ZNF292: variants seen among roughly 807,000 people sequenced by gnomAD.
ZNF292 encodes 16 zinc-finger domain protein.
Under a neutral mutation model 217.9 loss-of-function variants are expected in ZNF292, and 26 were observed. The ratio of observed to expected loss-of-function variants is 0.12; its 90% CI spans 0.09 to 0.17. The LOEUF is 0.17. ZNF292 is among the 10% of genes least tolerant of loss of function. The pLI is 1.00. For synonymous variants in ZNF292, 1,257 were observed against 1,124.1 expected (o/e 1.12, Z -2.37); for missense variants, 2,904 against 3,175.2 (o/e 0.91, Z 2.05).
In ZNF292 at chr6:87,197,569, T is replaced by C. The variant is rs201422160; in HGVS notation, c.169-18334T>C. On this transcript the variant is annotated intron_variant, in intron 1 of 7. Transcript: ENST00000369577. ...GGCCAACAGGGTGAAACTCCGTCTC[T>C]ACTAAAAATAAAAAAAAATTAGCTG... is the stretch of plus-strand genomic sequence containing the variant. Among the ~76,000 whole-genome samples, 16 of 150,870 alleles carry C rather than the reference T, an allele frequency of 1.1e-4. No homozygotes were observed. In the East Asian group the frequency reaches 1.4e-3, roughly 13 times the overall value.
At chr6:87,163,466 CA>C (rs1435539309) in intron 1 of ZNF292, among the ~76,000 whole-genome samples, 2 of 151,444 alleles carry the variant, frequency 1.3e-5, no homozygotes, top group South Asian at 2.1e-4. Context: ...AAAAAAACCC[CA>C]AAAAAACCAC....
In ZNF292 at chr6:87,232,892, T is replaced by A. The variant is rs4707354; in HGVS notation, c.539-433T>A. 5.1e-3 allele frequency among the ~76,000 whole-genome samples: 773 copies of A among 152,230 alleles called. 20 individuals are homozygous for A. The highest frequency in any genetic ancestry group is 0.047 in the Admixed American group (722 of 15,292). Reference sequence around the variant, plus strand: ...TGAACAAAATATTAGTTGAATCTCTTCTTCTGGAATGTCCCAATAGCTTTT... The same window carrying A: ...TGAACAAAATATTAGTTGAATCTCTACTTCTGGAATGTCCCAATAGCTTTT... On this transcript the variant is annotated intron_variant, in intron 4 of 7. Transcript: ENST00000369577.
At chr6:87,237,339 G>A (rs1310039743) in intron 5 of ZNF292, among the ~76,000 whole-genome samples, 1 of 151,964 alleles carries the variant, frequency 6.6e-6, no homozygotes, top group Non-Finnish European at 1.5e-5. Flanking sequence ...CTGCCTCCGG[G>A]GTTCAATTAA....
At position 87,260,242 on chromosome 6, in the gene ZNF292, G is replaced by C. The variant is rs779189927; in HGVS notation, c.6613G>C (p.Glu2205Gln). Residue 2205 changes from glutamate to glutamine, a missense_variant, in exon 8 of 8, where the codon GAA (glutamate) becomes CAA (glutamine). Transcript: ENST00000369577. Reference protein sequence around the residue: ...KLHEMTPEEIESMTASVDVGK... With the variant: ...KLHEMTPEEIQSMTASVDVGK... ...TCATGAAATGACTCCTGAAGAAATTGAAAGTATGACTGCTTCAGTGGATGT... is the reference window on the plus strand; with the variant it reads ...TCATGAAATGACTCCTGAAGAAATTCAAAGTATGACTGCTTCAGTGGATGT... 3 of 1,613,586 alleles carry C rather than the reference G, an allele frequency of 1.9e-6. No individual in the cohort carries two copies. The highest frequency in any genetic ancestry group is 2.5e-6 in the Non-Finnish European group (3 of 1,179,608).
intron 7 of ZNF292, among the ~76,000 whole-genome samples, chr6:87,250,356 G>A (rs1252290511): frequency 6.6e-6 from 1 of 152,006 alleles, no homozygotes; most frequent in Non-Finnish European, 1.5e-5. Flanking sequence ...TTGAGCCTGG[G>A]AGGCAGAAAT....
intron 5 of ZNF292, among the ~76,000 whole-genome samples, chr6:87,234,143 AT>A (rs1773786193): frequency 6.6e-6 from 1 of 152,212 alleles, no homozygotes; most frequent in African/African-American, 2.4e-5. Flanking sequence ...CCAAATGGGA[AT>A]TTTGCAATTT....
At chr6:87,206,931 G>C (rs1385682436) in intron 1 of ZNF292, among the ~76,000 whole-genome samples, 1 of 152,170 alleles carries the variant, frequency 6.6e-6, no homozygotes, top group Non-Finnish European at 1.5e-5. Flanking sequence ...TTGCAGAAGT[G>C]GGCACCAGAA....
intron 1 of ZNF292, among the ~76,000 whole-genome samples, chr6:87,184,465 A>G (rs1771573738): frequency 1.4e-5 from 2 of 139,876 alleles, no homozygotes; most frequent in Admixed American, 7.1e-5. Context: ...TCAACTTACC[A>G]TAGGCTTTTT....
At chr6:87,197,979 TA>T (rs1450859160) in intron 1 of ZNF292, among the ~76,000 whole-genome samples, 2 of 152,058 alleles carry the variant, frequency 1.3e-5, no homozygotes, top group African/African-American at 4.8e-5. Flanking sequence ...AAGATAAAAG[TA>T]ATATGATTTG....
chr6:87,205,913 A>G (rs1314423679), intron 1 of ZNF292, among the ~76,000 whole-genome samples: 2 of 152,240 alleles, frequency 1.3e-5, no homozygotes, highest in East Asian at 3.8e-4. Flanking sequence ...AATTTTGCAT[A>G]ATAAACCACT....
At chr6:87,250,269 C>CAA (rs774990265) in intron 7 of ZNF292, among the ~76,000 whole-genome samples, 2 of 115,394 alleles carry the variant, frequency 1.7e-5, no homozygotes, top group African/African-American at 3.8e-5. Context: ...TGATCTCTAC[C>CAA]AAAAAAAAAA....
chr6:87,228,555 AT>A (rs905006750), intron 4 of ZNF292, among the ~76,000 whole-genome samples: 31 of 152,130 alleles, frequency 2.0e-4, no homozygotes, highest in African/African-American at 5.8e-4. Context: ...GAGTTCTGTA[AT>A]TTTGGATTTT....
chr6:87,164,936 T>A (rs1447099383), intron 1 of ZNF292, among the ~76,000 whole-genome samples: 3 of 151,350 alleles, frequency 2.0e-5, no homozygotes, highest in African/African-American at 7.3e-5. Context: ...CTAATTTTTT[T>A]TTTTTTTGGT....
At chr6:87,165,017 C>T (rs1000802346) in intron 1 of ZNF292, among the ~76,000 whole-genome samples, 1 of 151,888 alleles carries the variant, frequency 6.6e-6, no homozygotes, top group Non-Finnish European at 1.5e-5. Flanking sequence ...CCCGCCTCAG[C>T]CTCCCAAAGT....
At chr6:87,221,145 T>TA (rs1477990427) in intron 4 of ZNF292, among the ~76,000 whole-genome samples, 5 of 152,202 alleles carry the variant, frequency 3.3e-5, no homozygotes, top group Non-Finnish European at 5.9e-5. Flanking sequence ...AACTGAGAAA[T>TA]ACTCTTTGAT....
At chr6:87,170,426 C>T (rs1771062553) in intron 1 of ZNF292, 1 of 152,158 alleles carries the variant, frequency 6.6e-6, no homozygotes. Context: ...ATGCATGTGT[C>T]ATAAAACTGC....
intron 7 of ZNF292, 111 bp downstream of exon 7, chr6:87,245,755 G>T (rs941882474): frequency 2.9e-6 from 2 of 684,790 alleles, no homozygotes; most frequent in African/African-American, 1.9e-5. Flanking sequence ...AATTTTTTCA[G>T]TTAGTCCTTT....
At chr6:87,251,238 C>T (rs1374432070) in intron 7 of ZNF292, among the ~76,000 whole-genome samples, 1 of 152,146 alleles carries the variant, frequency 6.6e-6, no homozygotes, top group Non-Finnish European at 1.5e-5. Context: ...TTTTCGTATT[C>T]CACACTAAGG....
intron 1 of ZNF292, 147 bp downstream of exon 1, chr6:87,155,906 C>A (rs541090636): frequency 9.7e-7 from 1 of 1,035,544 alleles, no homozygotes; most frequent in Non-Finnish European, 1.4e-6. Context: ...AAGGAAGGCG[C>A]CTTTGTGTGG....
Sources: gnomAD v4.1 joint callset for allele counts (sites outside exome capture counted in the v4.1 genomes callset) on GRCh38, gnomAD v4.1.1 for gene constraint, MANE v1.5 for transcripts, NCBI Gene and HGNC (gene_info 2026-07-23, HGNC 2026-07-21) for gene names.